Variants in HHIPL1 observed in about 807,000 individuals in gnomAD.
HHIPL1 encodes the protein HHIP like 1, also known as HHIP-like protein 1.
In HHIPL1, 43 loss-of-function variants were observed where a neutral mutation model predicts 61.8. The observed-to-expected ratio is 0.70, with a 90% CI of 0.55 to 0.90. The LOEUF (loss-of-function observed/expected upper bound fraction) is 0.90, where lower values mean the gene tolerates loss of function less well. HHIPL1 is among the 40% of genes least tolerant of loss of function. The probability of loss-of-function intolerance (pLI) is 0.00; values close to 1 mark genes in which losing one functional copy is unlikely to be tolerated. For synonymous variants in HHIPL1, 482 were observed against 515.8 expected (o/e 0.93, Z 0.89); for missense variants, 1,056 against 1,157.7 (o/e 0.91, Z 1.28).
chr14:99,654,661 G>A (rs1006444679), intron 2 of HHIPL1, among the ~76,000 whole-genome samples: 5 of 152,212 alleles, frequency 3.3e-5, no homozygotes, highest in East Asian at 1.9e-4. Context: ...TCTTGACACC[G>A]AATGTATAAA....
chr14:99,677,929 A>T lies in HHIPL1; in HGVS notation c.*2303A>T, dbSNP rs978400752. The stretch of plus-strand genomic sequence containing the variant: ...GCTGCAGCCTGCCTCCTGGGGACTC[A>T]CTCCACAGTCCCCAGGTCAGTGGTC... On this transcript the variant is annotated 3_prime_UTR_variant, in exon 9 of 9. Coordinates refer to ENST00000330710, the MANE Select transcript of HHIPL1 (RefSeq NM_001127258.3). The surrounding 1 kb of genome is among the most constrained non-coding windows in gnomAD (Gnocchi z 4.3). 3 of 151,886 alleles carry T rather than the reference A, an allele frequency of 2.0e-5. No homozygotes were observed. The highest frequency in any genetic ancestry group is 4.4e-5 in the Non-Finnish European group (3 of 67,950). The allele number at this position is 151,886 out of a possible 1,614,324, so 9.4% of individuals were successfully genotyped here. A position where few individuals can be genotyped will look rare whatever the true frequency, so the allele number is the denominator to read the frequency against.
rs1555377257 is a variant in HHIPL1 at position 99,656,787 on chromosome 14, AAAAGAAAGAAAG to A, written c.903-172_903-161del. On this transcript the variant is annotated intron_variant, in intron 2 of 8. Transcript: ENST00000330710. ...AACACTCTGTCTGCAAAAAGAAAAG[AAAAGAAAGAAAG>A]AAAGAAAGAAAGAAAGAAAGAAAGA... Among the ~76,000 whole-genome samples the A allele has an allele frequency of 1.3e-3, 26 of 20,448 alleles. 2 individuals are homozygous for A. The highest frequency in any genetic ancestry group is 2.8e-3 in the African/African-American group (25 of 8,924). The allele number at this position is 20,448 out of a possible 152,430, so 13.4% of individuals were successfully genotyped here. A position where few individuals can be genotyped will look rare whatever the true frequency, so the allele number is the denominator to read the frequency against.
chr14:99,669,204 G>T, intron 7 of HHIPL1: 15 of 1,230,382 alleles, frequency 1.2e-5, no homozygotes, highest in Non-Finnish European at 1.5e-5. Flanking sequence ...TGCAGAGGCC[G>T]CCCAGGTGCT....
At chr14:99,674,833 G>A (rs1240159314) in intron 8 of HHIPL1, among the ~76,000 whole-genome samples, 1 of 152,174 alleles carries the variant, frequency 6.6e-6, no homozygotes, top group African/African-American at 2.4e-5. Context: ...CAAAGCAGTT[G>A]ATAGTGTTTG....
At chr14:99,663,999 C>T (rs548113336) in intron 6 of HHIPL1, among the ~76,000 whole-genome samples, 3 of 152,216 alleles carry the variant, frequency 2.0e-5, no homozygotes, top group Non-Finnish European at 4.4e-5. Flanking sequence ...CGGGTGGACA[C>T]AGCCTTCTTG....
chr14:99,612,441 A>G, the HHIPL1 span, among the ~76,000 whole-genome samples: 2 of 152,234 alleles, frequency 1.3e-5, no homozygotes, highest in Non-Finnish European at 2.9e-5. Flanking sequence ...CAGAAGAAGA[A>G]GAGGAAACAG....
chr14:99,656,115 C>T (rs972151078), intron 2 of HHIPL1, among the ~76,000 whole-genome samples: 1 of 152,208 alleles, frequency 6.6e-6, no homozygotes, highest in African/African-American at 2.4e-5. Context: ...CCGTCCTGCC[C>T]ACCGTTAGAA....
chr14:99,649,383 T>A (rs2055890834), intron 1 of HHIPL1, among the ~76,000 whole-genome samples: 1 of 152,224 alleles, frequency 6.6e-6, no homozygotes, highest in Non-Finnish European at 1.5e-5. Context: ...AATGAAATGT[T>A]GCTGACTAAT....
At chr14:99,649,861 G>A (rs1486322773) in intron 1 of HHIPL1, among the ~76,000 whole-genome samples, 2 of 152,212 alleles carry the variant, frequency 1.3e-5, no homozygotes, top group Non-Finnish European at 1.5e-5. Context: ...AAGAAGGCAC[G>A]TGTGCACACA....
At chr14:99,620,578 G>GC in the HHIPL1 span, among the ~76,000 whole-genome samples, 1 of 152,250 alleles carries the variant, frequency 6.6e-6, no homozygotes, top group Non-Finnish European at 1.5e-5. Flanking sequence ...GCAGACATCA[G>GC]CCCCTCCCAG....
chr14:99,609,665 G>A, the HHIPL1 span, among the ~76,000 whole-genome samples: 140 of 152,352 alleles, frequency 9.2e-4, no homozygotes, highest in Non-Finnish European at 8.7e-4. Context: ...TGGACCGCCA[G>A]GGGCAGCAGT....
chr14:99,665,182 A>G (rs1475407077), intron 6 of HHIPL1, among the ~76,000 whole-genome samples: 8 of 152,086 alleles, frequency 5.3e-5, no homozygotes, highest in Non-Finnish European at 1.5e-5. Flanking sequence ...AAGTGCTGAG[A>G]TTACAGGTGT....
In HHIPL1 at chr14:99,668,943, A is replaced by G; in HGVS notation, c.1730+640A>G. The G allele has an allele frequency of 1.9e-6, 3 of 1,608,692 alleles. No individual in the cohort carries two copies. Among genetic ancestry groups the G allele is most frequent in the Non-Finnish European group, 2.6e-6 (3 of 1,176,296 alleles). ...GGTGGAAATGAGCACAAAGACACGAAGTCATGGGCCTGGGGCCCAGGGCCA... is the reference window on the plus strand; with the variant it reads ...GGTGGAAATGAGCACAAAGACACGAGGTCATGGGCCTGGGGCCCAGGGCCA... On this transcript the variant is annotated intron_variant, in intron 7 of 8. Transcript: ENST00000330710. This position sits in a 1 kb window ranked among gnomAD's most constrained non-coding sequence, Gnocchi z 4.7.
At chr14:99,605,376 G>A in the HHIPL1 span, among the ~76,000 whole-genome samples, 171 of 145,466 alleles carry the variant, frequency 1.2e-3, 1 homozygote, top group Non-Finnish European at 1.9e-3. Context: ...AGCAGGCGGG[G>A]CGGGGCGGGG....
chr14:99,642,337 G>A (rs184377111), upstream of HHIPL1, among the ~76,000 whole-genome samples: 2 of 151,716 alleles, frequency 1.3e-5, no homozygotes, highest in African/African-American at 4.9e-5. Flanking sequence ...TTTGGAAATT[G>A]TTCCACAGTC....
rs2056407960 is a variant in HHIPL1 at position 99,678,073 on chromosome 14, C to T, written c.*2447C>T. 1 of 152,246 alleles carries T rather than the reference C, an allele frequency of 6.6e-6. No individual in the cohort carries two copies. The highest frequency in any genetic ancestry group is 1.5e-5 in the Non-Finnish European group (1 of 68,058). The allele number at this position is 152,246 out of a possible 1,614,324, so 9.4% of individuals were successfully genotyped here. On this transcript the variant is annotated 3_prime_UTR_variant, in exon 9 of 9. Coordinates refer to ENST00000330710, the MANE Select transcript of HHIPL1 (RefSeq NM_001127258.3). ...CTCAGATCATCAGGCATTAGATTCT[C>T]ATAAGGAGTTCACAGCCTAGATCCC...
the HHIPL1 span, among the ~76,000 whole-genome samples, chr14:99,605,982 T>G: frequency 2.1e-4 from 31 of 150,902 alleles, no homozygotes; most frequent in African/African-American, 5.8e-4. Context: ...GGCAGTGGGG[T>G]TTTAGCAGGG....
At chr14:99,674,632 A>G (rs2056365060) in intron 8 of HHIPL1, among the ~76,000 whole-genome samples, 1 of 152,130 alleles carries the variant, frequency 6.6e-6, no homozygotes, top group Non-Finnish European at 1.5e-5. Context: ...TGTGGGCCTC[A>G]GCTTCCTCAC....
At chr14:99,650,087 T>C (rs2055901615) in intron 1 of HHIPL1, among the ~76,000 whole-genome samples, 3 of 152,176 alleles carry the variant, frequency 2.0e-5, no homozygotes, top group Admixed American at 2.0e-4. Flanking sequence ...GCCAGTCAGG[T>C]GAGACCTAGC....
Sources: allele counts gnomAD v4.1 joint callset (sites outside exome capture counted in the v4.1 genomes callset), GRCh38; gene constraint gnomAD v4.1.1; non-coding constraint Gnocchi (gnomAD v3.1); transcripts MANE v1.5; gene names NCBI Gene and HGNC (gene_info 2026-07-23, HGNC 2026-07-21).